The following SLC4A10 variants were observed in gnomAD, a reference collection of about 807,000 sequenced individuals.
SLC4A10 encodes solute carrier family 4 member 10, also known as sodium-driven chloride bicarbonate exchanger.
A neutral mutation model predicts 137.7 loss-of-function variants in SLC4A10; 42 were observed. The observed-to-expected ratio is 0.30, with a 90% CI of 0.24 to 0.39. SLC4A10 has a LOEUF of 0.39. SLC4A10 is among the 10% of genes least tolerant of loss of function. The pLI, the probability that SLC4A10 is intolerant of heterozygous loss-of-function variation, is 1.00. For missense variants in SLC4A10, 925 were observed against 1,355.0 expected, an observed-to-expected ratio of 0.68 and a Z score of 4.98; for synonymous variants, 474 against 464.1, an observed-to-expected ratio of 1.02 and a Z score of -0.27.
Position 161,767,131 on chromosome 2 carries a change from A to G in SLC4A10, c.49-3842A>G, listed in dbSNP as rs1278449541. Among the ~76,000 whole-genome samples the G allele has an allele frequency of 2.6e-3, 217 of 85,084 alleles. 3 individuals carry two copies. The highest frequency in any genetic ancestry group is 0.023 in the South Asian group (64 of 2,754). The allele number at this position is 85,084 out of a possible 152,430, so 55.8% of individuals were successfully genotyped here. A position where few individuals can be genotyped will look rare whatever the true frequency, so the allele number is the denominator to read the frequency against. Reference sequence around the variant, plus strand: ...TATATATATATATATATATATATATATATATATATGTGTGTGTGTGTGTGT... The same window carrying G: ...TATATATATATATATATATATATATGTATATATATGTGTGTGTGTGTGTGT... On this transcript the variant is annotated intron_variant, in intron 1 of 26. Transcript: ENST00000446997.
chr2:161,650,251 T>TCGG (rs2036603834), intron 1 of SLC4A10, among the ~76,000 whole-genome samples: 1 of 152,262 alleles, frequency 6.6e-6, no homozygotes, highest in Non-Finnish European at 1.5e-5. Context: ...GTATGATGTT[T>TCGG]TCTGCATGAT....
At chr2:161,753,418 G>T (rs977176805) in intron 1 of SLC4A10, among the ~76,000 whole-genome samples, 2 of 152,090 alleles carry the variant, frequency 1.3e-5, no homozygotes, top group Non-Finnish European at 2.9e-5. Flanking sequence ...TTTTTCTGAA[G>T]ATTTAAATTT....
chr2:161,696,022 C>A (rs2042455845), intron 1 of SLC4A10, among the ~76,000 whole-genome samples: 1 of 151,500 alleles, frequency 6.6e-6, no homozygotes, highest in Non-Finnish European at 1.5e-5. Context: ...ATTAACTCAT[C>A]ATTTACATTA....
chr2:161,650,316 T>G (rs905922570), intron 1 of SLC4A10, among the ~76,000 whole-genome samples: 2 of 152,270 alleles, frequency 1.3e-5, no homozygotes, highest in Non-Finnish European at 2.9e-5. Flanking sequence ...AGGCGTCTTT[T>G]TTCATTACGT....
At chr2:161,719,839 T>A (rs951313733) in intron 1 of SLC4A10, among the ~76,000 whole-genome samples, 35 of 152,080 alleles carry the variant, frequency 2.3e-4, no homozygotes, top group Admixed American at 2.0e-3. Context: ...TCCCATTTTG[T>A]AGGTTGCCTG....
chr2:161,849,993 T>G (rs748095876), intron 4 of SLC4A10, among the ~76,000 whole-genome samples: 21 of 151,144 alleles, frequency 1.4e-4, no homozygotes, highest in Non-Finnish European at 3.0e-4. Context: ...TGGTAGAATT[T>G]GGCTGTGACT....
At chr2:161,807,367 C>G (rs879445191) in intron 3 of SLC4A10, among the ~76,000 whole-genome samples, 5 of 152,262 alleles carry the variant, frequency 3.3e-5, no homozygotes, top group South Asian at 2.1e-4. Flanking sequence ...AGCCCATGTA[C>G]ATGACATAAC....
At chr2:161,693,965 G>T (rs976287229) in intron 1 of SLC4A10, among the ~76,000 whole-genome samples, 1 of 151,542 alleles carries the variant, frequency 6.6e-6, no homozygotes, top group African/African-American at 2.4e-5. Context: ...TGTTTCTTAG[G>T]GTGCAAGTTT....
chr2:161,758,786 A>G (rs1046093052), intron 1 of SLC4A10, among the ~76,000 whole-genome samples: 5 of 151,948 alleles, frequency 3.3e-5, no homozygotes, highest in Non-Finnish European at 5.9e-5. Context: ...ATTGACATTT[A>G]TGTCTCCTAC....
intron 1 of SLC4A10, among the ~76,000 whole-genome samples, chr2:161,696,767 C>T (rs572066129): frequency 6.6e-5 from 10 of 152,074 alleles, no homozygotes; most frequent in South Asian, 2.1e-4. Flanking sequence ...AATAAACATA[C>T]GTGTGCATGT....
intron 9 of SLC4A10, among the ~76,000 whole-genome samples, chr2:161,882,143 C>T (rs1366753360): frequency 6.0e-5 from 9 of 150,006 alleles, no homozygotes; most frequent in East Asian, 2.0e-4. Context: ...AAAAAAAACA[C>T]GGAAAACCAT....
intron 1 of SLC4A10, among the ~76,000 whole-genome samples, chr2:161,627,704 A>G (rs1248156909): frequency 1.3e-5 from 2 of 152,008 alleles, no homozygotes; most frequent in African/African-American, 4.8e-5. Context: ...CATTTTGTAG[A>G]CTCTAATCAC....
chr2:161,848,501 T>A (rs1188492184), intron 4 of SLC4A10, among the ~76,000 whole-genome samples: 1 of 152,184 alleles, frequency 6.6e-6, no homozygotes, highest in African/African-American at 2.4e-5. Flanking sequence ...CTAGAGTTTT[T>A]ATAGTGTTTT....
chr2:161,767,129 ATATATATATATGTGTGTG>A (rs2050926763), intron 1 of SLC4A10, among the ~76,000 whole-genome samples: 1 of 84,520 alleles, frequency 1.2e-5, no homozygotes, highest in South Asian at 3.6e-4. Context: ...ATATATATAT[ATATATATATATGTGTGTG>A]TGTGTGTGTG....
Position 161,894,732 on chromosome 2 carries a change from A to G in SLC4A10, c.1248A>G (p.Gly416=). 1 of 1,447,648 alleles carries G rather than the reference A, an allele frequency of 6.9e-7. No individual in the cohort carries two copies. Among genetic ancestry groups the G allele is most frequent in the South Asian group, 1.7e-5 (1 of 58,360 alleles). 89.7% of individuals were successfully genotyped at this position (1,447,648 alleles called of 1,614,324 possible). The change falls in exon 11 of 27, where the codon GGA becomes GGG. Residue 416 remains glycine (G), a synonymous_variant. Transcript: ENST00000446997. ...KAKDRNDLVS[G]IDEFLDQVTV... ...AAGATCGTAATGACTTGGTATCAGGAATTGATGAGTTTCTGGATCAGGTTA... is the reference window on the plus strand; with the variant it reads ...AAGATCGTAATGACTTGGTATCAGGGATTGATGAGTTTCTGGATCAGGTTA...
chr2:161,651,426 G>A, intron 1 of SLC4A10: 1 of 152,436 alleles, frequency 6.6e-6, no homozygotes, highest in Non-Finnish European at 1.5e-5. Flanking sequence ...CCAAATGGCA[G>A]GACTAAAAGA....
At chr2:161,962,442 A>G (rs1406530045) in intron 21 of SLC4A10, among the ~76,000 whole-genome samples, 1 of 152,202 alleles carries the variant, frequency 6.6e-6, no homozygotes, top group Non-Finnish European at 1.5e-5. Flanking sequence ...TTCCATTGTA[A>G]GCCAGAAGAT....
At chr2:161,883,868 G>A (rs1336749335) in intron 10 of SLC4A10, among the ~76,000 whole-genome samples, 2 of 151,980 alleles carry the variant, frequency 1.3e-5, no homozygotes, top group Non-Finnish European at 2.9e-5. Flanking sequence ...CCAAATCATT[G>A]GATTTAGGGC....
chr2:161,627,687 A>G (rs982040772), intron 1 of SLC4A10, among the ~76,000 whole-genome samples: 5 of 152,110 alleles, frequency 3.3e-5, no homozygotes, highest in Non-Finnish European at 7.4e-5. Flanking sequence ...TGGACAAGCC[A>G]TCATTGCATT....
Sources: gnomAD v4.1 joint callset for allele counts (sites outside exome capture counted in the v4.1 genomes callset) on GRCh38, gnomAD v4.1.1 for gene constraint, MANE v1.5 for transcripts, NCBI Gene and HGNC (gene_info 2026-07-23, HGNC 2026-07-21) for gene names.